The following LDB2 variants were observed in gnomAD, a reference collection of about 807,000 sequenced individuals.
LDB2 encodes the protein LIM domain binding 2.
Under a neutral mutation model 44.3 loss-of-function variants are expected in LDB2, and 12 were observed. The ratio of observed to expected loss-of-function variants is 0.27; its 90% confidence interval spans 0.17 to 0.44. LDB2 has a LOEUF of 0.44. LDB2 is among the 20% of genes least tolerant of loss of function. The probability of loss-of-function intolerance (pLI) is 1.00; values close to 1 mark genes in which losing one functional copy is unlikely to be tolerated. For missense variants in LDB2, 344 were observed against 473.5 expected (o/e 0.73, Z 2.54); for synonymous variants, 164 against 174.8 (o/e 0.94, Z 0.49).
At chr4:16,515,971 C>T (rs1723523780) in intron 5 of LDB2, among the ~76,000 whole-genome samples, 1 of 152,132 alleles carries the variant, frequency 6.6e-6, no homozygotes. Context: ...TCACACCATT[C>T]TCCTGCCTCA....
At chr4:16,719,836 C>G (rs1401057102) in intron 2 of LDB2, among the ~76,000 whole-genome samples, 1 of 152,034 alleles carries the variant, frequency 6.6e-6, no homozygotes, top group African/African-American at 2.4e-5. Flanking sequence ...TCAATCTCTC[C>G]TTCACTTCTC....
intron 5 of LDB2, among the ~76,000 whole-genome samples, chr4:16,550,219 A>G (rs1195801024): frequency 6.6e-6 from 1 of 152,192 alleles, no homozygotes; most frequent in Non-Finnish European, 1.5e-5. Context: ...TTGGCATATC[A>G]CTTTCTGTAG....
intron 5 of LDB2, among the ~76,000 whole-genome samples, chr4:16,532,380 A>G (rs1452650205): frequency 1.3e-5 from 2 of 152,224 alleles, no homozygotes; most frequent in Non-Finnish European, 2.9e-5. Flanking sequence ...GCACAGAGCC[A>G]TTGCGCATGG....
At chr4:16,863,795 C>A (rs982170453) in intron 1 of LDB2, among the ~76,000 whole-genome samples, 83 of 151,584 alleles carry the variant, frequency 5.5e-4, no homozygotes, top group Non-Finnish European at 8.8e-4. Flanking sequence ...CGAGTAGCTG[C>A]GATTACAGGC....
chr4:16,747,486 T>A (rs917066841), intron 2 of LDB2, among the ~76,000 whole-genome samples: 2 of 152,130 alleles, frequency 1.3e-5, no homozygotes, highest in African/African-American at 4.8e-5. Flanking sequence ...TGCAGGCAAA[T>A]TTGAAAAAGA....
chr4:16,505,125 A>C (rs1472956324), intron 7 of LDB2, among the ~76,000 whole-genome samples: 2 of 152,242 alleles, frequency 1.3e-5, no homozygotes, highest in Admixed American at 6.5e-5. Context: ...ATTAGAAAAC[A>C]ACAATCATTG....
At chr4:16,822,682 T>C (rs1269153349) in intron 1 of LDB2, among the ~76,000 whole-genome samples, 2 of 151,916 alleles carry the variant, frequency 1.3e-5, no homozygotes, top group African/African-American at 4.8e-5. Flanking sequence ...GCCCGGCTAA[T>C]TTTTTGTATT....
At chr4:16,688,953 CACTT>C (rs1312964703) in intron 2 of LDB2, among the ~76,000 whole-genome samples, 3 of 152,172 alleles carry the variant, frequency 2.0e-5, no homozygotes, top group African/African-American at 7.2e-5. Flanking sequence ...CAATAACAAA[CACTT>C]TATTTATTTC....
Position 16,593,788 on chromosome 4 carries a change from G to A in LDB2, c.408+1915C>T, listed in dbSNP as rs574310273. Among the ~76,000 whole-genome samples, 3 of 152,236 alleles carry A rather than the reference G, an allele frequency of 2.0e-5. No individual in the cohort carries two copies. In the East Asian group the frequency reaches 5.8e-4, roughly 29 times the overall value. The stretch of plus-strand genomic sequence containing the variant: ...AACAAATCACTCAACCATCTGAGAG[G>A]AAAATTTCAGGATAAGAAAGAATGC... On this transcript the variant is annotated intron_variant, in intron 3 of 7. Coordinates refer to ENST00000304523, the MANE Select transcript of LDB2 (RefSeq NM_001290.5).
intron 5 of LDB2, among the ~76,000 whole-genome samples, chr4:16,541,395 G>T (rs906417332): frequency 3.3e-5 from 5 of 152,070 alleles, no homozygotes; most frequent in Non-Finnish European, 7.4e-5. Context: ...AGCTCCCTGA[G>T]GCCTCCTCAG....
intron 5 of LDB2, among the ~76,000 whole-genome samples, chr4:16,517,319 C>T (rs757561865): frequency 6.7e-6 from 1 of 148,710 alleles, no homozygotes; most frequent in Non-Finnish European, 1.5e-5. Flanking sequence ...AGATATATGC[C>T]TTTTCCTCAT....
intron 3 of LDB2, among the ~76,000 whole-genome samples, chr4:16,591,410 C>T (rs1329078792): frequency 6.6e-6 from 1 of 152,136 alleles, no homozygotes; most frequent in African/African-American, 2.4e-5. Flanking sequence ...TTGCAGCAGG[C>T]CTTGGGCTCC....
chr4:16,808,426 G>A (rs1162359359), intron 1 of LDB2, among the ~76,000 whole-genome samples: 1 of 152,210 alleles, frequency 6.6e-6, no homozygotes, highest in African/African-American at 2.4e-5. Context: ...GACCAGTGGA[G>A]GCTGGGGAGC....
At chr4:16,583,606 G>C (rs1234690809) in intron 5 of LDB2, among the ~76,000 whole-genome samples, 1 of 152,182 alleles carries the variant, frequency 6.6e-6, no homozygotes, top group African/African-American at 2.4e-5. Context: ...TTAAATCCCA[G>C]TTCTAAATGG....
At chr4:16,772,799 C>A in intron 1 of LDB2, among the ~76,000 whole-genome samples, 1 of 152,098 alleles carries the variant, frequency 6.6e-6, no homozygotes, top group Non-Finnish European at 1.5e-5. Flanking sequence ...ACTGATATGT[C>A]CACCGGAAAG....
intron 5 of LDB2, among the ~76,000 whole-genome samples, chr4:16,521,766 T>C (rs1427920601): frequency 6.6e-6 from 1 of 152,220 alleles, no homozygotes; most frequent in Non-Finnish European, 1.5e-5. Flanking sequence ...CTTCCTGTGA[T>C]TGTTTGTCCA....
At chr4:16,697,053 A>C (rs1752281370) in intron 2 of LDB2, among the ~76,000 whole-genome samples, 1 of 152,138 alleles carries the variant, frequency 6.6e-6, no homozygotes, top group Admixed American at 6.5e-5. Flanking sequence ...GAGTGGCCTT[A>C]AGCACAAAAG....
At chr4:16,759,488 T>C (rs1767410942) in intron 1 of LDB2, 1 of 475,724 alleles carries the variant, frequency 2.1e-6, no homozygotes, top group African/African-American at 2.0e-5. Flanking sequence ...CGAATAAAAA[T>C]TAATTCTCCA....
At chr4:16,755,472 G>GGTGTGTGTGTGTGT (rs58186199) in intron 2 of LDB2, among the ~76,000 whole-genome samples, 95 of 118,284 alleles carry the variant, frequency 8.0e-4, no homozygotes, top group African/African-American at 2.7e-3. Flanking sequence ...GTAGGAATAG[G>GGTGTGTGTGTGTGT]GTGTGTGTGT....
Sources: allele counts gnomAD v4.1 joint callset (sites outside exome capture counted in the v4.1 genomes callset), GRCh38; gene constraint gnomAD v4.1.1; transcripts MANE v1.5; gene names NCBI Gene and HGNC (gene_info 2026-07-23, HGNC 2026-07-21).